XYLT1: variants seen among roughly 807,000 people sequenced by gnomAD.
XYLT1 encodes the protein xylosyltransferase 1.
In XYLT1, 36 loss-of-function variants were observed where a neutral mutation model predicts 91.3. The observed-to-expected ratio is 0.39, with a 90% CI of 0.30 to 0.52. The LOEUF (loss-of-function observed/expected upper bound fraction) is 0.52, where lower values mean the gene tolerates loss of function less well. Among genes scored for constraint, XYLT1 ranks in the 20% least tolerant of loss-of-function variants. XYLT1 has a pLI of 0.68. For missense variants in XYLT1, 1,242 were observed against 1,284.5 expected (o/e 0.97, Z 0.51); for synonymous variants, 588 against 532.0 (o/e 1.11, Z -1.45).
chr16:17,305,472 G>A (rs1178756796), intron 2 of XYLT1, among the ~76,000 whole-genome samples: 1 of 148,380 alleles, frequency 6.7e-6, no homozygotes, highest in Non-Finnish European at 1.5e-5. Context: ...CTGGAGTGCA[G>A]TGGTGCGATC....
chr16:17,241,485 C>T (rs910355172), intron 3 of XYLT1, among the ~76,000 whole-genome samples: 1 of 152,206 alleles, frequency 6.6e-6, no homozygotes, highest in Non-Finnish European at 1.5e-5. Flanking sequence ...GGTCACCTTG[C>T]CAGGGCCCTC....
chr16:17,192,757 C>G (rs981527540), intron 5 of XYLT1: 2 of 149,606 alleles, frequency 1.3e-5, no homozygotes, highest in African/African-American at 4.9e-5. Flanking sequence ...TGAATTGGAT[C>G]TATTCTGTTT....
At chr16:17,204,614 C>T (rs2032606597) in intron 3 of XYLT1, among the ~76,000 whole-genome samples, 1 of 152,114 alleles carries the variant, frequency 6.6e-6, no homozygotes, top group East Asian at 1.9e-4. Context: ...TGAGTGCCTA[C>T]TATGTGTTAA....
intron 2 of XYLT1, among the ~76,000 whole-genome samples, chr16:17,347,362 C>T (rs77146772): frequency 6.6e-6 from 1 of 152,168 alleles, no homozygotes; most frequent in South Asian, 2.1e-4. Context: ...TGAAGAATGC[C>T]TTTACCAACT....
At chr16:17,295,222 G>C (rs2034291564) in intron 2 of XYLT1, among the ~76,000 whole-genome samples, 1 of 152,190 alleles carries the variant, frequency 6.6e-6, no homozygotes. Context: ...GCCTCACGTT[G>C]CTGGTGGAGA....
chr16:17,261,736 G>T (rs757706975), intron 2 of XYLT1, among the ~76,000 whole-genome samples: 2 of 152,134 alleles, frequency 1.3e-5, no homozygotes, highest in South Asian at 4.1e-4. Flanking sequence ...CACGAAGCAC[G>T]TGGAGTCTGA....
At chr16:17,395,888 A>T (rs539091754) in intron 1 of XYLT1, among the ~76,000 whole-genome samples, 325 of 152,302 alleles carry the variant, frequency 2.1e-3, no homozygotes, top group Non-Finnish European at 2.1e-3. Context: ...GGTGAACAGC[A>T]GACTCTGTTC....
At position 17,195,133 on chromosome 16, in the gene XYLT1, T is replaced by A. The variant is rs76737049; in HGVS notation, c.1289+3079A>T. Among the ~76,000 whole-genome samples the A allele has an allele frequency of 9.5e-4, 144 of 152,304 alleles. 1 individual carries two copies. In the East Asian group the frequency reaches 0.02, roughly 21 times the overall value. On this transcript the variant is annotated intron_variant, in intron 5 of 11. Coordinates refer to ENST00000261381, the MANE Select transcript of XYLT1 (RefSeq NM_022166.4). ...GGTCACGAGTCAATGTCTGGAGACA[T>A]CTGTGGTTGGCAAAAGTGGGCAGGG...
chr16:17,408,391 C>T (rs151199758), intron 1 of XYLT1, among the ~76,000 whole-genome samples: 1 of 152,342 alleles, frequency 6.6e-6, no homozygotes, highest in African/African-American at 2.4e-5. Flanking sequence ...TCAGCTTTCT[C>T]ATGGCTCAGA....
intron 3 of XYLT1, among the ~76,000 whole-genome samples, chr16:17,226,769 T>C (rs2033073791): frequency 6.6e-6 from 1 of 152,070 alleles, no homozygotes; most frequent in Admixed American, 6.6e-5. Flanking sequence ...GATGACAGAG[T>C]GAAACCCTGT....
At chr16:17,438,592 C>G (rs753044843) in intron 1 of XYLT1, among the ~76,000 whole-genome samples, 13 of 152,096 alleles carry the variant, frequency 8.5e-5, no homozygotes, top group Non-Finnish European at 1.5e-4. Context: ...CTAGAAAGAA[C>G]AACTTGAGAC....
At chr16:17,339,665 CAG>C (rs1236651975) in intron 2 of XYLT1, among the ~76,000 whole-genome samples, 1 of 152,160 alleles carries the variant, frequency 6.6e-6, no homozygotes. Flanking sequence ...ATTTACAACA[CAG>C]AGAAGGTGAC....
intron 1 of XYLT1, among the ~76,000 whole-genome samples, chr16:17,358,607 T>C (rs1479347429): frequency 6.6e-6 from 1 of 152,060 alleles, no homozygotes; most frequent in Admixed American, 6.6e-5. Flanking sequence ...GAGGCTCAAG[T>C]TTTTATGAAG....
At chr16:17,257,376 CCT>C (rs2033649657) in intron 3 of XYLT1, among the ~76,000 whole-genome samples, 1 of 152,206 alleles carries the variant, frequency 6.6e-6, no homozygotes, top group Admixed American at 6.5e-5. Context: ...CAAATGCATT[CCT>C]CTCTGTTTGT....
intron 9 of XYLT1, 107 bp downstream of exon 9, chr16:17,134,366 G>A: frequency 1.4e-6 from 2 of 1,405,010 alleles, no homozygotes; most frequent in Non-Finnish European, 1.9e-6. Flanking sequence ...AGCATAGGGT[G>A]GCATTGCATT....
chr16:17,205,768 G>A (rs539676712), intron 3 of XYLT1, among the ~76,000 whole-genome samples: 16 of 152,216 alleles, frequency 1.1e-4, no homozygotes, highest in South Asian at 2.1e-4. Flanking sequence ...CCTCTGCAGC[G>A]TATGCCCAGA....
At chr16:17,120,030 T>C (rs4271578) in intron 10 of XYLT1, among the ~76,000 whole-genome samples, 147,341 of 152,248 alleles carry the variant, frequency 0.97, 71,349 homozygotes, top group Middle Eastern at 0.99. Flanking sequence ...AGGTAGTTAC[T>C]GCTCTGATGT....
At chr16:17,158,158 C>T (rs560284427) in intron 6 of XYLT1, among the ~76,000 whole-genome samples, 2 of 152,340 alleles carry the variant, frequency 1.3e-5, no homozygotes, top group South Asian at 4.1e-4. Flanking sequence ...GACTTGGGCT[C>T]AGCTCAATGC....
At chr16:17,174,391 A>G (rs2031893899) in intron 5 of XYLT1, among the ~76,000 whole-genome samples, 2 of 152,240 alleles carry the variant, frequency 1.3e-5, no homozygotes, top group Admixed American at 1.3e-4. Flanking sequence ...TGCTGAATGG[A>G]TAAAGCCAAA....
Sources: gnomAD v4.1 joint callset for allele counts (sites outside exome capture counted in the v4.1 genomes callset) on GRCh38, gnomAD v4.1.1 for gene constraint, MANE v1.5 for transcripts, NCBI Gene and HGNC (gene_info 2026-07-23, HGNC 2026-07-21) for gene names.